NPAS3: variants seen among roughly 807,000 people sequenced by gnomAD.
NPAS3 encodes the protein neuronal PAS domain protein 3.
NPAS3 carries 14 observed loss-of-function variants against 73.1 expected under a neutral mutation model. The observed-to-expected ratio is 0.19, with a 90% confidence interval of 0.13 to 0.30. The LOEUF is 0.30. Among genes scored for constraint, NPAS3 ranks in the 10% least tolerant of loss-of-function variants. The pLI, the probability that NPAS3 is intolerant of heterozygous loss-of-function variation, is 1.00. For missense variants in NPAS3, 1,096 were observed against 1,250.0 expected, an observed-to-expected ratio of 0.88 and a Z score of 1.86; for synonymous variants, 620 against 541.5, an observed-to-expected ratio of 1.14 and a Z score of -2.01.
At chr14:33,112,694 C>T (rs944884454) in intron 2 of NPAS3, among the ~76,000 whole-genome samples, 6 of 152,158 alleles carry the variant, frequency 3.9e-5, no homozygotes, top group African/African-American at 1.2e-4. Flanking sequence ...GTCAATTTTT[C>T]CTTTTGTTGC....
chr14:33,366,802 T>G (rs6571597), intron 3 of NPAS3, among the ~76,000 whole-genome samples: 1 of 151,780 alleles, frequency 6.6e-6, no homozygotes, highest in Non-Finnish European at 1.5e-5. Context: ...TGGGGCGGGG[T>G]TGAGGGGAGA....
rs534767222 is a variant in NPAS3 at position 33,603,815 on chromosome 14, C to A, written c.558+43605C>A. On this transcript the variant is annotated intron_variant, in intron 5 of 11. Transcript: ENST00000356141. Reference sequence around the variant, plus strand: ...TTAAATCTCTTTAAAAGATAATAGTCTGAACAAAATTAATGGGAACACAGT... The same window carrying A: ...TTAAATCTCTTTAAAAGATAATAGTATGAACAAAATTAATGGGAACACAGT... Among the ~76,000 whole-genome samples, 13 of 151,978 alleles carry A rather than the reference C, an allele frequency of 8.6e-5. 1 individual carries two copies. In the South Asian group the frequency reaches 2.7e-3, roughly 32 times the overall value.
chr14:32,964,160 TAAA>T (rs34380538), intron 1 of NPAS3, among the ~76,000 whole-genome samples: 14 of 75,446 alleles, frequency 1.9e-4, no homozygotes, highest in African/African-American at 3.8e-4. Flanking sequence ...TTTGCTGCAC[TAAA>T]AAAAAAAAAA....
At chr14:32,957,848 T>A (rs917691485) in intron 1 of NPAS3, among the ~76,000 whole-genome samples, 4 of 152,186 alleles carry the variant, frequency 2.6e-5, no homozygotes, top group African/African-American at 9.7e-5. Flanking sequence ...GGTGGTAAAA[T>A]CACAGTAAGC....
At position 33,321,592 on chromosome 14, in the gene NPAS3, C is replaced by T. The variant is rs375667095; in HGVS notation, c.386-45594C>T. Among the ~76,000 whole-genome samples, 12 of 151,916 alleles carry T rather than the reference C, an allele frequency of 7.9e-5. 1 individual carries two copies. In the East Asian group the frequency reaches 9.7e-4, roughly 12 times the overall value. ...CAAACTGCCTCACCCTTGGCTTTGC[C>T]GCTTCCTAGCTGAGTCACCTTGAAC... On this transcript the variant is annotated intron_variant, in intron 3 of 11. Transcript: ENST00000356141.
intron 4 of NPAS3, among the ~76,000 whole-genome samples, chr14:33,456,653 C>T (rs985872906): frequency 3.9e-5 from 6 of 152,160 alleles, no homozygotes; most frequent in African/African-American, 1.4e-4. Context: ...ATATATTAGA[C>T]AGCCTGAGAC....
At chr14:32,955,533 T>G (rs1274106132) in intron 1 of NPAS3, among the ~76,000 whole-genome samples, 1 of 152,092 alleles carries the variant, frequency 6.6e-6, no homozygotes, top group African/African-American at 2.4e-5. Flanking sequence ...ACTCAAGATA[T>G]CCATAACCAA....
At chr14:33,013,041 C>G (rs777306637) in intron 1 of NPAS3, among the ~76,000 whole-genome samples, 2 of 152,080 alleles carry the variant, frequency 1.3e-5, no homozygotes, top group Non-Finnish European at 2.9e-5. Context: ...AGAGCAAATC[C>G]AAACAGTCTT....
intron 4 of NPAS3, among the ~76,000 whole-genome samples, chr14:33,490,828 C>T (rs1285644299): frequency 6.6e-6 from 1 of 152,216 alleles, no homozygotes; most frequent in Non-Finnish European, 1.5e-5. Flanking sequence ...AAGCTCCTCT[C>T]CTAGAGAGCC....
chr14:33,663,480 G>T (rs2059366925), intron 5 of NPAS3, among the ~76,000 whole-genome samples: 1 of 152,094 alleles, frequency 6.6e-6, no homozygotes, highest in African/African-American at 2.4e-5. Flanking sequence ...GTATTTTATT[G>T]AGGATTTTCA....
intron 7 of NPAS3, among the ~76,000 whole-genome samples, chr14:33,764,266 T>C (rs185988937): frequency 6.6e-6 from 1 of 152,314 alleles, no homozygotes; most frequent in African/African-American, 2.4e-5. Context: ...TGAATATATG[T>C]TGCATTTATT....
At position 33,760,756 on chromosome 14, in the gene NPAS3, T is replaced by C. The variant is rs144266300; in HGVS notation, c.853-13581T>C. 3.4e-3 allele frequency among the ~76,000 whole-genome samples: 524 copies of C among 152,176 alleles called. 3 individuals are homozygous for C. Among genetic ancestry groups the C allele is most frequent in the Middle Eastern group, 0.014 (4 of 294 alleles). ...ATTCCAGTTATTTTAAACAGTTTCATACTTACTTGGCAATTATGATAGCAC... is the reference window on the plus strand; with the variant it reads ...ATTCCAGTTATTTTAAACAGTTTCACACTTACTTGGCAATTATGATAGCAC... On this transcript the variant is annotated intron_variant, in intron 7 of 11. Coordinates refer to ENST00000356141, the Ensembl canonical transcript of NPAS3.
intron 3 of NPAS3, among the ~76,000 whole-genome samples, chr14:33,359,880 C>T (rs963093635): frequency 1.3e-5 from 2 of 152,226 alleles, no homozygotes; most frequent in Non-Finnish European, 2.9e-5. Context: ...GCCTGACATA[C>T]ATGCAGTAGG....
At chr14:33,124,995 T>A (rs1317739671) in intron 2 of NPAS3, among the ~76,000 whole-genome samples, 1 of 152,132 alleles carries the variant, frequency 6.6e-6, no homozygotes, top group Non-Finnish European at 1.5e-5. Context: ...GAGAACTACC[T>A]ATAGGAAAAC....
At chr14:33,152,430 C>T (rs951402671) in intron 2 of NPAS3, among the ~76,000 whole-genome samples, 2 of 152,104 alleles carry the variant, frequency 1.3e-5, no homozygotes, top group Non-Finnish European at 2.9e-5. Context: ...CTTAGCTGGC[C>T]TCTGTAGGAT....
exon 8 of NPAS3, chr14:33,774,402 C>A (rs775752810): frequency 6.2e-6 from 10 of 1,614,118 alleles, no homozygotes; most frequent in Non-Finnish European, 8.5e-6. Flanking sequence ...CCGTCCCCAG[C>A]CAAATCATGG....
At chr14:33,454,912 G>A (rs1471113277) in intron 4 of NPAS3, among the ~76,000 whole-genome samples, 6 of 152,294 alleles carry the variant, frequency 3.9e-5, no homozygotes, top group South Asian at 2.1e-4. Flanking sequence ...GCGTGCCCCC[G>A]GCTGAGTGAG....
chr14:33,744,596 T>A (rs2061740061), intron 7 of NPAS3, among the ~76,000 whole-genome samples: 2 of 151,968 alleles, frequency 1.3e-5, no homozygotes, highest in African/African-American at 4.8e-5. Context: ...AAGACCAGCC[T>A]GAGCAACATG....
chr14:33,107,823 A>T (rs1234423001), intron 2 of NPAS3, among the ~76,000 whole-genome samples: 2 of 152,184 alleles, frequency 1.3e-5, no homozygotes, highest in Non-Finnish European at 2.9e-5. Flanking sequence ...TTGAGATTTA[A>T]TGTTGTTTGC....
Sources: gnomAD v4.1 joint callset for allele counts (sites outside exome capture counted in the v4.1 genomes callset) on GRCh38, gnomAD v4.1.1 for gene constraint, MANE v1.5 for transcripts, NCBI Gene and HGNC (gene_info 2026-07-23, HGNC 2026-07-21) for gene names.